ZNF367: variants seen among roughly 807,000 people sequenced by gnomAD.
The protein encoded by ZNF367 is C2H2 zinc finger protein ZFF29.
Under a neutral mutation model 31.8 loss-of-function variants are expected in ZNF367, and 11 were observed. The observed-to-expected ratio is 0.35, with a 90% CI of 0.22 to 0.57. The LOEUF (loss-of-function observed/expected upper bound fraction) is 0.57. Ranked by LOEUF, ZNF367 falls within the 20% of genes least tolerant of loss-of-function variation. The probability of loss-of-function intolerance (pLI) is 0.85; values close to 1 mark genes in which losing one functional copy is unlikely to be tolerated. For missense variants in ZNF367, 353 were observed against 484.1 expected, an observed-to-expected ratio of 0.73 and a Z score of 2.54; for synonymous variants, 199 against 202.4, an observed-to-expected ratio of 0.98 and a Z score of 0.14.
intron 1 of ZNF367, among the ~76,000 whole-genome samples, chr9:96,407,979 CAAAATAAATAAATAAATAAA>C (rs1245337915): frequency 2.4e-3 from 282 of 115,502 alleles, no homozygotes; most frequent in African/African-American, 0.01. Flanking sequence ...TAATGGAACA[CAAAATAAATAAATAAATAAA>C]TAAATAAATA....
In ZNF367 at chr9:96,388,353, C is replaced by G. The variant is rs1831429632; in HGVS notation, c.937G>C (p.Glu313Gln). 1.2e-6 allele frequency: 2 copies of G among 1,613,542 alleles called. No homozygotes were observed. Among genetic ancestry groups the G allele is most frequent in the Non-Finnish European group, 1.7e-6 (2 of 1,180,054 alleles). Residue 313 changes from glutamate to glutamine, a missense_variant, in exon 5 of 5, where the codon GAG becomes CAG. Coordinates refer to ENST00000375256, the MANE Select transcript of ZNF367 (RefSeq NM_153695.4). ...TGGGCCCCTCTCTTCTCGTCGTCCT[C>G]TTCATCAGACTGAAGGTATTCCAGA... is the stretch of plus-strand genomic sequence containing the variant. ...DPLEYLQSDEEDDEKRGAQRR... is the reference protein window; with the variant it reads ...DPLEYLQSDEQDDEKRGAQRR...
rs989979975 is a variant in ZNF367 at position 96,410,904 on chromosome 9, A to AC, written c.420+6708_420+6709insG. 2.3e-3 allele frequency among the ~76,000 whole-genome samples: 351 copies of AC among 151,398 alleles called. 2 individuals carry two copies. Among genetic ancestry groups the AC allele is most frequent in the African/African-American group, 8.0e-3 (329 of 41,170 alleles). On this transcript the variant is annotated intron_variant, in intron 1 of 4. Transcript: ENST00000375256. ...ACAAAACAAAACAAAACAAAACAAAAAAAACATAGTGGCTGGCCACAGTGG... is the reference window on the plus strand; with the variant it reads ...ACAAAACAAAACAAAACAAAACAAAACAAAACATAGTGGCTGGCCACAGTGG...
intron 4 of ZNF367, 95 bp downstream of exon 4, chr9:96,392,303 C>G: frequency 1.3e-6 from 2 of 1,561,084 alleles, no homozygotes; most frequent in Admixed American, 3.4e-5. Context: ...TGTATAAATG[C>G]AGCTTATTTA....
chr9:96,413,782 AG>A (rs1344362696), intron 1 of ZNF367, among the ~76,000 whole-genome samples: 1 of 152,228 alleles, frequency 6.6e-6, no homozygotes, highest in Non-Finnish European at 1.5e-5. Context: ...AGTGTTGGGC[AG>A]GAACAATCAA....
At position 96,387,835 on chromosome 9, in the gene ZNF367, G is replaced by T. The variant is rs1004900672; in HGVS notation, c.*402C>A. ...ATTGTTAAACATACTAATATATATT[G>T]TTAAAAATGATCTTATAAATAATCT... On this transcript the variant is annotated 3_prime_UTR_variant, in exon 5 of 5. Transcript: ENST00000375256. 19 of 164,486 alleles carry T rather than the reference G, an allele frequency of 1.2e-4. No homozygotes were observed. Among genetic ancestry groups the T allele is most frequent in the African/African-American group, 4.5e-4 (19 of 41,902 alleles). 10.2% of individuals were successfully genotyped at this position (164,486 alleles called of 1,614,324 possible).
In ZNF367 at chr9:96,417,795, C is replaced by A; in HGVS notation, c.238G>T (p.Val80Leu). ...PWRWGENAHN[V>L]TLSPGAAGAA... Reference sequence around the variant, plus strand: ...CCCGCGGCCCCAGGGCTGAGCGTCACGTTGTGTGCGTTCTCGCCCCAGCGC... The same window carrying A: ...CCCGCGGCCCCAGGGCTGAGCGTCAAGTTGTGTGCGTTCTCGCCCCAGCGC... The change falls in exon 1 of 5, where the codon GTG becomes TTG. Residue 80 changes from valine to leucine, a missense_variant. This residue lies in a region of ZNF367 where 31 missense variants were observed against 58.4 expected (regional missense o/e 0.53). Transcript: ENST00000375256. The surrounding 1 kb of genome is among the most constrained non-coding windows in gnomAD (Gnocchi z 5.0). 2 of 1,362,746 alleles carry A rather than the reference C, an allele frequency of 1.5e-6. No homozygotes were observed. Among genetic ancestry groups the A allele is most frequent in the Non-Finnish European group, 1.9e-6 (2 of 1,056,930 alleles). The allele number at this position is 1,362,746 out of a possible 1,614,324, so 84.4% of individuals were successfully genotyped here. A position where few individuals can be genotyped will look rare whatever the true frequency, so the allele number is the denominator to read the frequency against.
intron 3 of ZNF367, among the ~76,000 whole-genome samples, chr9:96,393,569 C>T (rs950962570): frequency 2.0e-5 from 3 of 150,396 alleles, no homozygotes; most frequent in Non-Finnish European, 3.0e-5. Flanking sequence ...CAGTGGCTCA[C>T]GCCTGTAATC....
At chr9:96,411,913 C>T (rs1386740599) in intron 1 of ZNF367, among the ~76,000 whole-genome samples, 4 of 152,074 alleles carry the variant, frequency 2.6e-5, no homozygotes, top group East Asian at 1.9e-4. Context: ...CTGCAACCTC[C>T]GCCTCCTGGG....
intron 1 of ZNF367, among the ~76,000 whole-genome samples, chr9:96,412,327 T>C (rs1296343159): frequency 6.6e-6 from 1 of 152,222 alleles, no homozygotes; most frequent in African/African-American, 2.4e-5. Flanking sequence ...ACAATCTCCA[T>C]ACCTCTAGAA....
intron 1 of ZNF367, among the ~76,000 whole-genome samples, chr9:96,416,637 T>C (rs1831834237): frequency 6.6e-6 from 1 of 152,196 alleles, no homozygotes; most frequent in African/African-American, 2.4e-5. Context: ...TGTTATCTCT[T>C]GCAAATTGCT....
chr9:96,389,680 A>G (rs1269844974), intron 4 of ZNF367, among the ~76,000 whole-genome samples: 1 of 152,194 alleles, frequency 6.6e-6, no homozygotes, highest in African/African-American at 2.4e-5. Context: ...CTTTAAATGT[A>G]TCATAATTTC....
At chr9:96,403,275 C>T (rs752234511) in intron 1 of ZNF367, among the ~76,000 whole-genome samples, 38 of 152,234 alleles carry the variant, frequency 2.5e-4, no homozygotes, top group Non-Finnish European at 4.3e-4. Flanking sequence ...GCCCAACACA[C>T]TCTTAAATAG....
intron 3 of ZNF367, among the ~76,000 whole-genome samples, chr9:96,393,736 C>T (rs572778670): frequency 2.0e-5 from 3 of 152,262 alleles, no homozygotes; most frequent in African/African-American, 7.2e-5. Context: ...GAGGCTGAGG[C>T]AGGAGAATCG....
chr9:96,388,817 CA>C lies in ZNF367; in HGVS notation c.831-359del, dbSNP rs551324674. Reference sequence around the variant, plus strand: ...TTTAGAAACTTATTTATCCTATCTACAGAGGGATGGTAACTTCTGACAGCGT... The same window carrying C: ...TTTAGAAACTTATTTATCCTATCTACGAGGGATGGTAACTTCTGACAGCGT... On this transcript the variant is annotated intron_variant, in intron 4 of 4. Coordinates refer to ENST00000375256, the MANE Select transcript of ZNF367 (RefSeq NM_153695.4). Among the ~76,000 whole-genome samples, 5 of 152,322 alleles carry C rather than the reference CA, an allele frequency of 3.3e-5. No individual in the cohort carries two copies. In the East Asian group the frequency reaches 9.6e-4, roughly 29 times the overall value.
In ZNF367 at chr9:96,418,294, C is replaced by T. The variant is rs909381610; in HGVS notation, c.-262G>A. On this transcript the variant is annotated 5_prime_UTR_variant, in exon 1 of 5. Coordinates refer to ENST00000375256, the MANE Select transcript of ZNF367 (RefSeq NM_153695.4). Reference sequence around the variant, plus strand: ...GGCTGCAGGGGTGGGAAGCAGCGGGCGGCCCGGCCCTTGCGGTGACAGGAA... The same window carrying T: ...GGCTGCAGGGGTGGGAAGCAGCGGGTGGCCCGGCCCTTGCGGTGACAGGAA... The T allele has an allele frequency of 1.1e-4, 49 of 430,404 alleles. No individual in the cohort carries two copies. Among genetic ancestry groups the T allele is most frequent in the Middle Eastern group, 6.2e-4 (1 of 1,622 alleles). The allele number at this position is 430,404 out of a possible 1,614,324, so 26.7% of individuals were successfully genotyped here.
intron 1 of ZNF367, among the ~76,000 whole-genome samples, chr9:96,402,663 G>A (rs1462681897): frequency 1.5e-5 from 2 of 137,382 alleles, no homozygotes; most frequent in Admixed American, 7.8e-5. Context: ...TAGTAGAGAC[G>A]GTTTCACCTT....
At chr9:96,401,537 A>G (rs1374680404) in intron 1 of ZNF367, among the ~76,000 whole-genome samples, 2 of 151,156 alleles carry the variant, frequency 1.3e-5, no homozygotes, top group African/African-American at 4.9e-5. Flanking sequence ...CATGCCTGTA[A>G]TCCCAGCTAC....
At chr9:96,411,205 G>A (rs1225670435) in intron 1 of ZNF367, among the ~76,000 whole-genome samples, 1 of 151,792 alleles carries the variant, frequency 6.6e-6, no homozygotes, top group Non-Finnish European at 1.5e-5. Context: ...AAAAACCTTA[G>A]TGATACAAGT....
intron 1 of ZNF367, among the ~76,000 whole-genome samples, chr9:96,409,802 A>C (rs77297725): frequency 4.2e-4 from 64 of 152,320 alleles, no homozygotes; most frequent in African/African-American, 1.4e-3. Context: ...CAGGAGTGAA[A>C]TCTTCATTGC....
Sources: allele counts gnomAD v4.1 joint callset (sites outside exome capture counted in the v4.1 genomes callset), GRCh38; gene constraint gnomAD v4.1.1; regional missense constraint gnomAD v4.1.1; non-coding constraint Gnocchi (gnomAD v3.1); transcripts MANE v1.5; gene names NCBI Gene and HGNC (gene_info 2026-07-23, HGNC 2026-07-21).